The following DYM variants were observed in gnomAD, a reference collection of about 807,000 sequenced individuals.
DYM encodes dyggve-Melchior-Clausen syndrome protein.
In DYM, 78 loss-of-function variants were observed where a neutral mutation model predicts 93.1. The ratio of observed to expected loss-of-function variants is 0.84; its 90% confidence interval spans 0.70 to 1.01. DYM has a LOEUF of 1.01. Ranked by LOEUF, DYM falls within the 50% of genes least tolerant of loss-of-function variation. The pLI, the probability that DYM is intolerant of heterozygous loss-of-function variation, is 0.00. For synonymous variants in DYM, 321 were observed against 319.7 expected, an observed-to-expected ratio of 1.00 and a Z score of -0.04; for missense variants, 789 against 845.0, an observed-to-expected ratio of 0.93 and a Z score of 0.82.
intron 10 of DYM, among the ~76,000 whole-genome samples, chr18:49,281,128 A>C (rs1281916520): frequency 3.3e-5 from 5 of 152,250 alleles, no homozygotes; most frequent in Non-Finnish European, 7.3e-5. Context: ...CAACCCCATC[A>C]AAAAGTGGGA....
intron 13 of DYM, among the ~76,000 whole-genome samples, chr18:49,214,780 G>A (rs56798666): frequency 0.027 from 4,055 of 152,130 alleles, 149 homozygotes; most frequent in African/African-American, 0.086. Context: ...AAAATATTTC[G>A]CATTTCCACT....
intron 8 of DYM, chr18:49,321,316 CAAACT>C: frequency 2.5e-6 from 1 of 398,146 alleles, no homozygotes; most frequent in Non-Finnish European, 4.4e-6. Context: ...CTTGTAAATA[CAAACT>C]AATTCATTCT....
intron 1 of DYM, among the ~76,000 whole-genome samples, chr18:49,436,332 C>G (rs2080864527): frequency 6.6e-6 from 1 of 152,102 alleles, no homozygotes. Context: ...TAAATTATTT[C>G]TTTCAGATTT....
chr18:49,397,754 T>C (rs978967383), intron 2 of DYM, among the ~76,000 whole-genome samples: 3 of 152,220 alleles, frequency 2.0e-5, no homozygotes, highest in Non-Finnish European at 4.4e-5. Flanking sequence ...CAAACTGAGA[T>C]TTGCTAAAGC....
intron 8 of DYM, among the ~76,000 whole-genome samples, chr18:49,289,404 TAAAAAAAAAAA>T (rs56240607): frequency 0.062 from 2,087 of 33,768 alleles, 101 homozygotes; most frequent in African/African-American, 0.23. Context: ...TACAAATCAG[TAAAAAAAAAAA>T]AAAAAAAAAA....
intron 1 of DYM, among the ~76,000 whole-genome samples, chr18:49,438,181 T>C (rs1039518728): frequency 2.0e-5 from 3 of 152,176 alleles, no homozygotes; most frequent in Admixed American, 2.0e-4. Context: ...ATAAAATTAA[T>C]AAATCAAAAT....
intron 1 of DYM, among the ~76,000 whole-genome samples, chr18:49,449,422 C>T (rs1375129727): frequency 1.3e-5 from 2 of 152,180 alleles, no homozygotes. Context: ...GGCGGTACCT[C>T]TTGACAACCC....
At chr18:49,057,008 C>T (rs2075552873) in intron 17 of DYM, among the ~76,000 whole-genome samples, 1 of 152,176 alleles carries the variant, frequency 6.6e-6, no homozygotes, top group African/African-American at 2.4e-5. Context: ...CCTGCTTTTA[C>T]CCTTTCCTGT....
intron 14 of DYM, among the ~76,000 whole-genome samples, chr18:49,167,393 G>GT (rs908663716): frequency 6.6e-6 from 1 of 152,090 alleles, no homozygotes; most frequent in African/African-American, 2.4e-5. Flanking sequence ...GAAATTCTCT[G>GT]TAAGAATAGA....
intron 13 of DYM, among the ~76,000 whole-genome samples, chr18:49,234,375 T>C (rs1189240796): frequency 6.6e-5 from 10 of 151,950 alleles, no homozygotes; most frequent in Non-Finnish European, 1.3e-4. Flanking sequence ...GAGGATTGCT[T>C]GAGCCCGGGA....
chr18:49,376,787 C>T (rs1363671747), intron 5 of DYM, among the ~76,000 whole-genome samples: 1 of 152,140 alleles, frequency 6.6e-6, no homozygotes, highest in East Asian at 1.9e-4. Context: ...ATGGTAAAAT[C>T]GTATTTTCAA....
chr18:49,069,141 T>C (rs937331014), intron 17 of DYM, among the ~76,000 whole-genome samples: 1 of 152,234 alleles, frequency 6.6e-6, no homozygotes, highest in Admixed American at 6.5e-5. Flanking sequence ...TGAGTTAAAT[T>C]AGACAACTTA....
At chr18:49,163,566 G>C (rs894665210) in intron 15 of DYM, 119 bp downstream of exon 15, 4 of 679,972 alleles carry the variant, frequency 5.9e-6, no homozygotes, top group Admixed American at 2.1e-5. Flanking sequence ...GGCTGGTCTT[G>C]AACTCCCGAC....
At chr18:49,441,596 C>G (rs993578544) in intron 1 of DYM, among the ~76,000 whole-genome samples, 1 of 150,710 alleles carries the variant, frequency 6.6e-6, no homozygotes, top group African/African-American at 2.4e-5. Flanking sequence ...CCCAATGAAA[C>G]GAAAGCAATG....
At chr18:49,289,404 T>TAAAAAAAAAAAAAA (rs56240607) in intron 8 of DYM, among the ~76,000 whole-genome samples, 2 of 33,508 alleles carry the variant, frequency 6.0e-5, no homozygotes, top group Admixed American at 3.2e-4. Flanking sequence ...TACAAATCAG[T>TAAAAAAAAAAAAAA]AAAAAAAAAA....
At chr18:49,344,520 A>G (rs1043070659) in intron 6 of DYM, among the ~76,000 whole-genome samples, 9 of 152,206 alleles carry the variant, frequency 5.9e-5, no homozygotes, top group Non-Finnish European at 8.8e-5. Context: ...CTTAAAAAAA[A>G]TCTCCTTTTG....
rs557874909 is a variant in DYM at position 49,096,026 on chromosome 18, T to G, written c.2025+1376A>C. Among the ~76,000 whole-genome samples, 487 of 152,220 alleles carry G rather than the reference T, an allele frequency of 3.2e-3. 4 individuals carry two copies. The highest frequency in any genetic ancestry group is 5.0e-3 in the Non-Finnish European group (338 of 67,996). ...GTTCACATGGTATAGTTTACATAAA[T>G]TTGAAATAGTTCAAAAAAATCCCAC... On this transcript the variant is annotated intron_variant, in intron 17 of 17. Transcript: ENST00000675505.
intron 17 of DYM, among the ~76,000 whole-genome samples, chr18:49,069,551 C>T (rs2076723220): frequency 1.3e-5 from 2 of 152,138 alleles, no homozygotes; most frequent in Non-Finnish European, 2.9e-5. Context: ...AAAAGTAAGG[C>T]TTGTGTGTTG....
intron 3 of DYM, among the ~76,000 whole-genome samples, chr18:49,384,407 C>T (rs931746329): frequency 6.0e-5 from 9 of 149,514 alleles, no homozygotes; most frequent in African/African-American, 1.2e-4. Flanking sequence ...AGGAAGATCA[C>T]TTGAGGTCAG....
Sources: gnomAD v4.1 joint callset for allele counts (sites outside exome capture counted in the v4.1 genomes callset) on GRCh38, gnomAD v4.1.1 for gene constraint, MANE v1.5 for transcripts, NCBI Gene and HGNC (gene_info 2026-07-23, HGNC 2026-07-21) for gene names.